The following NLRP14 variants were observed in gnomAD, a reference collection of about 807,000 sequenced individuals.
NLRP14 encodes NLR family pyrin domain containing 14.
Under a neutral mutation model 94.7 loss-of-function variants are expected in NLRP14, and 105 were observed. That is an observed-to-expected ratio of 1.11 (90% CI 0.95 to 1.30). The LOEUF is 1.30. NLRP14 is among the 50% of genes most tolerant of loss of function. NLRP14 has a pLI of 0.00. For missense variants in NLRP14, 1,362 were observed against 1,254.1 expected, an observed-to-expected ratio of 1.09 and a Z score of -1.30; for synonymous variants, 508 against 459.9, an observed-to-expected ratio of 1.10 and a Z score of -1.34.
At chr11:7,037,526 A>G (rs556573880) in intron 1 of NLRP14, among the ~76,000 whole-genome samples, 75 of 152,296 alleles carry the variant, frequency 4.9e-4, no homozygotes, top group Admixed American at 3.9e-3. Flanking sequence ...TACTAGCTCT[A>G]TCTCTTCAGG....
intron 10 of NLRP14, among the ~76,000 whole-genome samples, chr11:7,063,863 T>A (rs1852664831): frequency 6.6e-6 from 1 of 152,112 alleles, no homozygotes; most frequent in Admixed American, 6.6e-5. Flanking sequence ...AGGTCTTTTA[T>A]GCTTTAGAAC....
chr11:7,032,533 G>A (rs1176662870), intron 1 of NLRP14, among the ~76,000 whole-genome samples: 3 of 152,060 alleles, frequency 2.0e-5, no homozygotes, highest in Non-Finnish European at 4.4e-5. Flanking sequence ...CAGACATGCA[G>A]TTTTTCAAGA....
At chr11:7,052,648 C>A (rs1238206084) in intron 6 of NLRP14, among the ~76,000 whole-genome samples, 1 of 152,066 alleles carries the variant, frequency 6.6e-6, no homozygotes, top group Admixed American at 6.5e-5. Flanking sequence ...AAAACAAAAA[C>A]AAAGCTGGCT....
rs137929684 is a variant in NLRP14, at chr11:7,043,528, G to A, written c.1502G>A (p.Gly501Glu). 41 of 1,613,948 alleles carry A rather than the reference G, an allele frequency of 2.5e-5. No individual in the cohort carries two copies. The African/African-American group carries it at 5.1e-4, about 20-fold the overall frequency. ...ATGTTGAAAGGCAGTTGGGAAGCTG[G>A]GAACCCTTCCTGCCAGCCTTTTGAA... The part of the protein sequence containing the change: ...FYMLKGSWEA[G>E]NPSCQPFEDL... The change falls in exon 4 of 12, where the codon GGG becomes GAG. Residue 501 changes from glycine (G) to glutamate (E), a missense_variant. Transcript: ENST00000299481.
At chr11:7,076,946 A>T in the NLRP14 span, among the ~76,000 whole-genome samples, 1 of 152,130 alleles carries the variant, frequency 6.6e-6, no homozygotes, top group East Asian at 1.9e-4. Context: ...CACTTGTATT[A>T]TTTTCCAACT....
At chr11:7,044,107 C>A in intron 4 of NLRP14, 123 bp downstream of exon 4, 2 of 962,762 alleles carry the variant, frequency 2.1e-6, no homozygotes, top group Non-Finnish European at 1.6e-6. Context: ...GTTGTCCCAT[C>A]TTGAGGCAGG....
chr11:7,065,539 A>G (rs543066503), intron 10 of NLRP14, among the ~76,000 whole-genome samples: 2 of 151,442 alleles, frequency 1.3e-5, no homozygotes, highest in African/African-American at 4.8e-5. Flanking sequence ...TTCTTTTTTC[A>G]TTTTTTATAT....
At chr11:7,068,022 A>G (rs1018204167) in intron 10 of NLRP14, among the ~76,000 whole-genome samples, 10 of 151,866 alleles carry the variant, frequency 6.6e-5, no homozygotes, top group African/African-American at 2.4e-4. Flanking sequence ...GTAAGTATAT[A>G]TTGTTGATTT....
At chr11:7,088,761 A>G in the NLRP14 span, among the ~76,000 whole-genome samples, 2 of 152,290 alleles carry the variant, frequency 1.3e-5, no homozygotes, top group African/African-American at 4.8e-5. Context: ...GGATCATTAC[A>G]ATTGTTCTCA....
intron 10 of NLRP14, among the ~76,000 whole-genome samples, chr11:7,064,193 A>T (rs562274888): frequency 8.9e-4 from 136 of 152,280 alleles, no homozygotes; most frequent in Non-Finnish European, 1.7e-3. Context: ...ATTTGTATCG[A>T]ATTGAAACAA....
chr11:7,054,907 T>C (rs1852497209), intron 6 of NLRP14, among the ~76,000 whole-genome samples: 1 of 152,168 alleles, frequency 6.6e-6, no homozygotes, highest in African/African-American at 2.4e-5. Context: ...ATTTCCCCTA[T>C]GTTTTACTTT....
chr11:7,030,750 A>T (rs1293138548), intron 1 of NLRP14, among the ~76,000 whole-genome samples: 1 of 152,206 alleles, frequency 6.6e-6, no homozygotes, highest in Non-Finnish European at 1.5e-5. Flanking sequence ...TTTTAGATGG[A>T]CGAATAAAGG....
chr11:7,089,005 GC>G, the NLRP14 span: 1 of 1,254,800 alleles, frequency 8.0e-7, no homozygotes, highest in Non-Finnish European at 1.1e-6. Flanking sequence ...CGTGGACTCG[GC>G]GACTAGGCGC....
the NLRP14 span, among the ~76,000 whole-genome samples, chr11:7,087,668 C>G: frequency 6.6e-6 from 1 of 151,982 alleles, no homozygotes; most frequent in Non-Finnish European, 1.5e-5. Flanking sequence ...ACATTAAGGG[C>G]AGTCATTCGA....
At chr11:7,067,320 C>T (rs1201799885) in intron 10 of NLRP14, among the ~76,000 whole-genome samples, 1 of 152,172 alleles carries the variant, frequency 6.6e-6, no homozygotes, top group African/African-American at 2.4e-5. Context: ...GATACTGATT[C>T]TTCCTATCCA....
At chr11:7,054,698 T>C (rs1852494742) in intron 6 of NLRP14, among the ~76,000 whole-genome samples, 1 of 152,170 alleles carries the variant, frequency 6.6e-6, no homozygotes, top group African/African-American at 2.4e-5. Flanking sequence ...ATATTCTCGT[T>C]ATTAGCCCCT....
the NLRP14 span, chr11:7,090,041 C>G: frequency 6.2e-7 from 1 of 1,612,960 alleles, no homozygotes; most frequent in Non-Finnish European, 8.5e-7. Flanking sequence ...GAGGAGGCCG[C>G]TACGAGGAGT....
intron 10 of NLRP14, among the ~76,000 whole-genome samples, chr11:7,063,053 A>G (rs1259763427): frequency 6.6e-6 from 1 of 152,110 alleles, no homozygotes; most frequent in Non-Finnish European, 1.5e-5. Flanking sequence ...ACATAATGAC[A>G]TGTGTCATCC....
At chr11:7,080,168 G>A in the NLRP14 span, among the ~76,000 whole-genome samples, 1 of 152,106 alleles carries the variant, frequency 6.6e-6, no homozygotes, top group Non-Finnish European at 1.5e-5. Context: ...GGTATCCTGG[G>A]GACCCCATTT....
Sources: allele counts gnomAD v4.1 joint callset (sites outside exome capture counted in the v4.1 genomes callset), GRCh38; gene constraint gnomAD v4.1.1; transcripts MANE v1.5; gene names NCBI Gene and HGNC (gene_info 2026-07-23, HGNC 2026-07-21).